The following PLCB1 variants were observed in gnomAD, a reference collection of about 807,000 sequenced individuals.
PLCB1 encodes the protein phospholipase C beta 1.
Under a neutral mutation model 161.8 loss-of-function variants are expected in PLCB1, and 46 were observed. That is an observed-to-expected ratio of 0.28 (90% CI 0.22 to 0.36). The LOEUF (loss-of-function observed/expected upper bound fraction) is 0.36, where lower values mean the gene tolerates loss of function less well. PLCB1 is among the 10% of genes least tolerant of loss of function. The pLI is 1.00. For missense variants in PLCB1, 1,016 were observed against 1,472.5 expected, an observed-to-expected ratio of 0.69 and a Z score of 5.07; for synonymous variants, 517 against 503.7, an observed-to-expected ratio of 1.03 and a Z score of -0.35.
At position 8,553,669 on chromosome 20, in the gene PLCB1, A is replaced by G. The variant is rs528562759; in HGVS notation, c.247-74625A>G. 3.9e-5 allele frequency among the ~76,000 whole-genome samples: 6 copies of G among 152,236 alleles called. No homozygotes were observed. The South Asian group carries it at 8.3e-4, about 21-fold the overall frequency. ...ATCAAGTAAAGGAAAATTCAAGCAA[A>G]TGAATACAGAAAAACATTATCATTA... On this transcript the variant is annotated intron_variant, in intron 3 of 31. Coordinates refer to ENST00000338037, the MANE Select transcript of PLCB1 (RefSeq NM_015192.4).
At chr20:8,733,695 C>T (rs576168357) in intron 19 of PLCB1, among the ~76,000 whole-genome samples, 20 of 150,402 alleles carry the variant, frequency 1.3e-4, no homozygotes, top group Non-Finnish European at 2.7e-4. Context: ...TGCTAAATGA[C>T]GAGTTAATGG....
At chr20:8,446,054 T>G (rs943047154) in intron 3 of PLCB1, among the ~76,000 whole-genome samples, 5 of 152,148 alleles carry the variant, frequency 3.3e-5, no homozygotes, top group African/African-American at 9.7e-5. Flanking sequence ...CTAACTCATT[T>G]TATGAGGCCA....
chr20:8,801,662 T>C (rs190198190), intron 31 of PLCB1, among the ~76,000 whole-genome samples: 37 of 152,312 alleles, frequency 2.4e-4, no homozygotes, highest in African/African-American at 8.7e-4. Flanking sequence ...GGGAGAAAAG[T>C]AGTGCCCTTA....
intron 31 of PLCB1, among the ~76,000 whole-genome samples, chr20:8,879,646 A>ACTT (rs2146334609): frequency 6.6e-6 from 1 of 152,310 alleles, no homozygotes; most frequent in African/African-American, 2.4e-5. Flanking sequence ...GGATTTCAGA[A>ACTT]CTTTGGGATA....
At chr20:8,380,613 C>T (rs956778807) in intron 3 of PLCB1, among the ~76,000 whole-genome samples, 3 of 152,056 alleles carry the variant, frequency 2.0e-5, no homozygotes, top group African/African-American at 7.2e-5. Context: ...TGGGTCTTCT[C>T]TTATTTCCTT....
chr20:8,774,625 T>C lies in PLCB1; in HGVS notation c.3017T>C (p.Ile1006Thr). 3.1e-6 allele frequency: 5 copies of C among 1,613,980 alleles called. No homozygotes were observed. The highest frequency in any genetic ancestry group is 4.2e-6 in the Non-Finnish European group (5 of 1,179,888). ...GATGCTGAAATGACCCAAAAGTTAA[T>C]AGACTTGAAGGACAAACAACAGCAG... ...ALDAEMTQKL[I>T]DLKDKQQQQL... The change falls in exon 27 of 32, where the codon ATA becomes ACA. Residue 1006 changes from isoleucine to threonine, a missense_variant. Coordinates refer to ENST00000338037, the MANE Select transcript of PLCB1 (RefSeq NM_015192.4).
chr20:8,873,407 C>A (rs2146327359), intron 31 of PLCB1, among the ~76,000 whole-genome samples: 1 of 152,222 alleles, frequency 6.6e-6, no homozygotes, highest in East Asian at 1.9e-4. Flanking sequence ...ATACTATAGT[C>A]CTTGCAGTAA....
At chr20:8,205,328 T>C (rs1978468719) in intron 2 of PLCB1, among the ~76,000 whole-genome samples, 1 of 152,190 alleles carries the variant, frequency 6.6e-6, no homozygotes, top group African/African-American at 2.4e-5. Context: ...GAAATACTTA[T>C]ACAAAAACAA....
Position 8,790,211 on chromosome 20 carries a change from G to C in PLCB1, c.3373G>C (p.Val1125Leu). ...GCAAAGTAAACGGCAAGAAAAACTC[G>C]TAGAGAAACACAAGGAAATACGTCA... The part of the protein sequence containing the change: ...EAQSKRQEKL[V>L]EKHKEIRQQI... The change falls in exon 31 of 32, where the codon GTA becomes CTA. Residue 1125 changes from valine (V) to leucine (L), a missense_variant. By Grantham distance (32) the Val-to-Leu change is conservative (BLOSUM62 1). This residue lies in a region of PLCB1 where 398 missense variants were observed against 445.4 expected (regional missense o/e 0.89). Coordinates refer to ENST00000338037, the MANE Select transcript of PLCB1 (RefSeq NM_015192.4). 1 of 1,611,974 alleles carries C rather than the reference G, an allele frequency of 6.2e-7. No individual in the cohort carries two copies.
At chr20:8,784,948 A>T (rs930475118) in intron 27 of PLCB1, among the ~76,000 whole-genome samples, 3 of 152,184 alleles carry the variant, frequency 2.0e-5, no homozygotes, top group Admixed American at 2.0e-4. Context: ...TTTCATTCAC[A>T]ATCATTTTTT....
rs1988017926 is a variant in PLCB1, at chr20:8,882,085, G to A, written c.*236G>A. 2 of 421,128 alleles carry A rather than the reference G, an allele frequency of 4.7e-6. No homozygotes were observed. The highest frequency in any genetic ancestry group is 4.0e-5 in the Admixed American group (1 of 24,828). 26.1% of individuals were successfully genotyped at this position (421,128 alleles called of 1,614,324 possible). A position where few individuals can be genotyped will look rare whatever the true frequency, so the allele number is the denominator to read the frequency against. ...AAGAATGCATGTATGTGAGATTTTT[G>A]TTTTCTTTCCAATAGCAAATTCAAA... On this transcript the variant is annotated 3_prime_UTR_variant, in exon 32 of 32. Transcript: ENST00000338037.
At chr20:8,578,274 C>A (rs1054692458) in intron 3 of PLCB1, among the ~76,000 whole-genome samples, 5 of 152,306 alleles carry the variant, frequency 3.3e-5, no homozygotes, top group Admixed American at 2.6e-4. Context: ...ATAACCACTT[C>A]TGTATAATAC....
intron 5 of PLCB1, 40 bp from the exon 6 acceptor site, chr20:8,647,860 T>C: frequency 6.4e-7 from 1 of 1,566,632 alleles, no homozygotes; most frequent in South Asian, 1.1e-5. Context: ...AAAAGCTTTT[T>C]TAAAAAAATC....
Position 8,881,933 on chromosome 20 carries a change from C to A in PLCB1, c.*84C>A. ...TTATTACAAAGATCACTGCCCAGGA[C>A]CATCTTCCCGAGAAGCATCCCTTAG... On this transcript the variant is annotated 3_prime_UTR_variant, in exon 32 of 32. Coordinates refer to ENST00000338037, the MANE Select transcript of PLCB1 (RefSeq NM_015192.4). The A allele has an allele frequency of 1.1e-6, 1 of 894,050 alleles. No homozygotes were observed. 55.4% of individuals were successfully genotyped at this position (894,050 alleles called of 1,614,324 possible).
At chr20:8,746,630 T>G (rs1320831829) in intron 23 of PLCB1, among the ~76,000 whole-genome samples, 1 of 152,166 alleles carries the variant, frequency 6.6e-6, no homozygotes, top group African/African-American at 2.4e-5. Context: ...CAGGGGTGGT[T>G]CACCATGCCT....
intron 2 of PLCB1, among the ~76,000 whole-genome samples, chr20:8,239,410 TC>T (rs973075733): frequency 6.6e-6 from 1 of 151,988 alleles, no homozygotes; most frequent in Non-Finnish European, 1.5e-5. Context: ...AAAGTCACCA[TC>T]CGGTGTAAGG....
chr20:8,267,299 G>A (rs1263756764), intron 2 of PLCB1, among the ~76,000 whole-genome samples: 3 of 152,130 alleles, frequency 2.0e-5, no homozygotes, highest in Non-Finnish European at 4.4e-5. Flanking sequence ...GAGTCCTATG[G>A]AGAACTGCTC....
chr20:8,499,980 T>C (rs1267015658), intron 3 of PLCB1, among the ~76,000 whole-genome samples: 1 of 152,156 alleles, frequency 6.6e-6, no homozygotes, highest in Non-Finnish European at 1.5e-5. Context: ...CAGCAGATAA[T>C]ATTTGTTAAC....
At chr20:8,762,606 A>G (rs1432637695) in intron 25 of PLCB1, among the ~76,000 whole-genome samples, 2 of 152,210 alleles carry the variant, frequency 1.3e-5, no homozygotes, top group Non-Finnish European at 2.9e-5. Context: ...GAATGCAGCA[A>G]TTCCTTGGGA....
Sources: allele counts gnomAD v4.1 joint callset (sites outside exome capture counted in the v4.1 genomes callset), GRCh38; gene constraint gnomAD v4.1.1; regional missense constraint gnomAD v4.1.1; transcripts MANE v1.5; gene names NCBI Gene and HGNC (gene_info 2026-07-23, HGNC 2026-07-21).